The following HYAL1 variants were observed in gnomAD, a reference collection of about 807,000 sequenced individuals.
HYAL1 encodes hyaluronidase-1.
A neutral mutation model predicts 28.8 loss-of-function variants in HYAL1; 21 were observed. The ratio of observed to expected loss-of-function variants is 0.73; its 90% CI spans 0.52 to 1.05. The LOEUF (loss-of-function observed/expected upper bound fraction) is 1.05, where lower values mean the gene tolerates loss of function less well. Among genes scored for constraint, HYAL1 ranks in the 50% least tolerant of loss-of-function variants. HYAL1 has a pLI of 0.00. For missense variants in HYAL1, 491 were observed against 579.2 expected (o/e 0.85, Z 1.56); for synonymous variants, 200 against 230.1 (o/e 0.87, Z 1.18).
At position 50,311,326 on chromosome 3, in the gene HYAL1, C is replaced by CT. The variant is rs1702446866; in HGVS notation, c.-310+937_-310+938insA. Among the ~76,000 whole-genome samples, 5 of 125,854 alleles carry CT rather than the reference C, an allele frequency of 4.0e-5. 1 individual carries two copies. The South Asian group carries it at 1.4e-3, about 34-fold the overall frequency. 82.6% of individuals were successfully genotyped at this position (125,854 alleles called of 152,430 possible). On this transcript the variant is annotated intron_variant, in intron 1 of 5. Transcript: ENST00000320295. ...TGGCCGGGCGGGGGGCTGACCCCCC[C>CT]ACCTCCCTCCCGGACGGGGCGGCTG...
At chr3:50,311,971 G>A (rs1702474918) in intron 1 of HYAL1, among the ~76,000 whole-genome samples, 1 of 148,102 alleles carries the variant, frequency 6.8e-6, no homozygotes, top group South Asian at 2.1e-4. Context: ...GGGCGGCCGG[G>A]CAGAGGCGCC....
In HYAL1 at chr3:50,302,569, A is replaced by C; in HGVS notation, c.388T>G (p.Trp130Gly). The C allele has an allele frequency of 1.2e-6, 2 of 1,614,044 alleles. No homozygotes were observed. Among genetic ancestry groups the C allele is most frequent in the East Asian group, 4.5e-5 (2 of 44,898 alleles). ...GCCCAGCGTGGGCGCCATGCCTCCC[A>C]GTCGATGACTGCCAGCCCTGAGAAG... ...PDFSGLAVIDWEAWRPRWAFN... is the reference protein window; with the variant it reads ...PDFSGLAVIDGEAWRPRWAFN... The change falls in exon 2 of 4, where the codon TGG becomes GGG. Residue 130 changes from tryptophan (W) to glycine (G), a missense_variant. By Grantham distance (184) the Trp-to-Gly change is radical. Transcript: ENST00000395144. This position sits in a 1 kb window ranked among gnomAD's most constrained non-coding sequence, Gnocchi z 5.0.
At chr3:50,301,501 C>T (rs1273624836) in intron 2 of HYAL1, among the ~76,000 whole-genome samples, 4 of 151,838 alleles carry the variant, frequency 2.6e-5, no homozygotes, top group Non-Finnish European at 5.9e-5. Context: ...CCTGTAATCC[C>T]AACTACTTGG....
At chr3:50,300,914 G>C in intron 3 of HYAL1, 74 bp downstream of exon 3, 1 of 1,507,418 alleles carries the variant, frequency 6.6e-7, no homozygotes, top group East Asian at 2.3e-5. Context: ...GAAAGGGTAA[G>C]TCAGGGTCTA....
chr3:50,309,022 C>A lies in HYAL1; in HGVS notation c.-191+637G>T, dbSNP rs587766995. Among the ~76,000 whole-genome samples the A allele has an allele frequency of 3.3e-5, 5 of 151,382 alleles. No homozygotes were observed. In the East Asian group the frequency reaches 9.6e-4, roughly 29 times the overall value. On this transcript the variant is annotated intron_variant, in intron 2 of 5. Transcript: ENST00000320295. ...GGGATTACAGGCGTGAGCCACCGTG[C>A]CTGGCCAACAGCTTTTAACAATTTA...
At position 50,300,649 on chromosome 3, in the gene HYAL1, A is replaced by C. The variant is rs1210331628; in HGVS notation, c.1142T>G (p.Leu381Arg). 3 of 1,613,912 alleles carry C rather than the reference A, an allele frequency of 1.9e-6. No individual in the cohort carries two copies. Among genetic ancestry groups the C allele is most frequent in the Non-Finnish European group, 2.5e-6 (3 of 1,179,974 alleles). ...RRTSHPKALLLLNPASFSIQL... is the reference protein window; with the variant it reads ...RRTSHPKALLRLNPASFSIQL... ...GATGGAGAAACTGGCAGGGTTAAGG[A>C]GGAGGAGGGCTTTGGGGTGGCTGGT... is the stretch of plus-strand genomic sequence containing the variant. The change falls in exon 4 of 4, where the codon CTC (leucine) becomes CGC (arginine). Residue 381 changes from leucine (L) to arginine (R), a missense_variant. Physicochemically the swap from Leu to Arg is moderately radical, Grantham distance 102. Transcript: ENST00000395144.
Position 50,302,280 on chromosome 3 carries a change from C to A in HYAL1, c.677G>T (p.Arg226Leu). 6.2e-7 allele frequency: 1 copy of A among 1,613,780 alleles called. No individual in the cohort carries two copies. The highest frequency in any genetic ancestry group is 8.5e-7 in the Non-Finnish European group (1 of 1,180,022). Reference protein sequence around the residue: ...NYTGQCPSGIRAQNDQLGWLW... With the variant: ...NYTGQCPSGILAQNDQLGWLW... ...CCACCCTAGCTGGTCATTTTGGGCACGGATGCCTGATGGGCACTGGCCGGT... is the reference window on the plus strand; with the variant it reads ...CCACCCTAGCTGGTCATTTTGGGCAAGGATGCCTGATGGGCACTGGCCGGT... Residue 226 changes from arginine (R) to leucine (L), a missense_variant, in exon 2 of 4, where the codon CGT (arginine) becomes CTT (leucine). Physicochemically the swap from Arg to Leu is moderately radical, Grantham distance 102. Coordinates refer to ENST00000395144, the MANE Select transcript of HYAL1 (RefSeq NM_033159.4). The surrounding 1 kb of genome is among the most constrained non-coding windows in gnomAD (Gnocchi z 5.0).
upstream of HYAL1, among the ~76,000 whole-genome samples, chr3:50,306,016 T>G (rs587603980): frequency 1.3e-5 from 2 of 151,446 alleles, no homozygotes; most frequent in Admixed American, 6.6e-5. Flanking sequence ...ATTTTCTGGG[T>G]TCACATTTGG....
Position 50,301,080 on chromosome 3 carries a change from G to A in HYAL1, c.901-3C>T, listed in dbSNP as rs782103052. 2 of 1,607,132 alleles carry A rather than the reference G, an allele frequency of 1.2e-6. No individual in the cohort carries two copies. Among genetic ancestry groups the A allele is most frequent in the East Asian group, 2.2e-5 (1 of 44,828 alleles). On this transcript the variant is annotated splice_polypyrimidine_tract_variant and splice_region_variant and intron_variant, in intron 2 of 3. Transcript: ENST00000395144. ...CCCAGGCTGTGCTCCAGCTCATCCT[G>A]GGAAGGAGACAGCACAGCTCTGTGG...
At chr3:50,310,717 C>T (rs1702428197) in intron 1 of HYAL1, among the ~76,000 whole-genome samples, 1 of 149,246 alleles carries the variant, frequency 6.7e-6, no homozygotes, top group African/African-American at 2.5e-5. Flanking sequence ...GAACAAAGGT[C>T]TCTGGTTTTC....
chr3:50,311,033 T>A (rs1553714677), intron 1 of HYAL1, among the ~76,000 whole-genome samples: 1 of 152,172 alleles, frequency 6.6e-6, no homozygotes, highest in Non-Finnish European at 1.5e-5. Flanking sequence ...ATCCGATTTC[T>A]CAATCTTTTC....
chr3:50,302,155 C>T lies in HYAL1; in HGVS notation c.802G>A (p.Glu268Lys), dbSNP rs104893743. ...GCAGCCACAGCCACACGGAATGCCT[C>T]GGCCACACGGTGTTGCACATACATC... ...SQMYVQHRVA[E>K]AFRVAVAAGD... Residue 268 changes from glutamate (E) to lysine (K), a missense_variant, in exon 2 of 4, where the codon GAG becomes AAG. Transcript: ENST00000395144. This position sits in a 1 kb window ranked among gnomAD's most constrained non-coding sequence, Gnocchi z 5.0. 4.5e-5 allele frequency: 72 copies of T among 1,614,166 alleles called. No individual in the cohort carries two copies. Among genetic ancestry groups the T allele is most frequent in the Middle Eastern group, 1.7e-4 (1 of 6,060 alleles).
Position 50,302,385 on chromosome 3 carries a change from C to T in HYAL1, c.572G>A (p.Arg191Gln), listed in dbSNP as rs147106267. Residue 191 changes from arginine to glutamine, a missense_variant, in exon 2 of 4, where the codon CGG (arginine) becomes CAG (glutamine). Arg to Gln is a conservative substitution (Grantham distance 43). Transcript: ENST00000395144. The surrounding 1 kb of genome is among the most constrained non-coding windows in gnomAD (Gnocchi z 5.0). ...AWMAGTLQLG[R>Q]ALRPRGLWGF... ...CCAGAGGCCGCGAGGACGCAGTGCC[C>T]GCCCCAGCTGGAGGGTGCCTGCCAT... is the stretch of plus-strand genomic sequence containing the variant. The T allele has an allele frequency of 1.2e-5, 20 of 1,613,660 alleles. 1 individual carries two copies. Among genetic ancestry groups the T allele is most frequent in the Middle Eastern group, 1.7e-4 (1 of 6,058 alleles).
chr3:50,308,734 C>CTT lies in HYAL1; in HGVS notation c.-191+923_-191+924dup, dbSNP rs587625905. Reference sequence around the variant, plus strand: ...ACAGGCATGAGCCACCGTGCCTGGCCTTTTTTTTTTTTTTTAGACGAAGTC... The same window carrying CTT: ...ACAGGCATGAGCCACCGTGCCTGGCCTTTTTTTTTTTTTTTTTAGACGAAGTC... On this transcript the variant is annotated intron_variant, in intron 2 of 5. Transcript: ENST00000320295. 7.9e-3 allele frequency among the ~76,000 whole-genome samples: 926 copies of CTT among 117,278 alleles called. 32 individuals carry two copies. Among genetic ancestry groups the CTT allele is most frequent in the African/African-American group, 0.03 (879 of 29,332 alleles). The allele number at this position is 117,278 out of a possible 152,430, so 76.9% of individuals were successfully genotyped here.
upstream of HYAL1, among the ~76,000 whole-genome samples, chr3:50,306,629 G>A (rs587608951): frequency 1.7e-4 from 26 of 151,116 alleles, no homozygotes; most frequent in Middle Eastern, 3.4e-3. Context: ...GCTCACACCC[G>A]TAATCCCAAC....
rs377022984 is a variant in HYAL1, at chr3:50,300,470, A to C, written c.*13T>G. 6.2e-6 allele frequency: 10 copies of C among 1,613,792 alleles called. No individual in the cohort carries two copies. The African/African-American group carries it at 8.0e-5, about 13-fold the overall frequency. The stretch of plus-strand genomic sequence containing the variant: ...ATTAGGTTCTCAATATGTGCAACTC[A>C]GTGTGTGGCCAATCACCACATGCTC... On this transcript the variant is annotated 3_prime_UTR_variant, in exon 4 of 4. Coordinates refer to ENST00000395144, the MANE Select transcript of HYAL1 (RefSeq NM_033159.4).
In HYAL1 at chr3:50,300,965, C is replaced by T. The variant is rs782454520; in HGVS notation, c.990+23G>A. On this transcript the variant is annotated intron_variant, in intron 3 of 3. Coordinates refer to ENST00000395144, the MANE Select transcript of HYAL1 (RefSeq NM_033159.4). ...GGCCCCACCCCTCCCCCACCCCCAC[C>T]CTCATGCCAGGCCTAAGCTCACCTT... 56 of 647,662 alleles carry T rather than the reference C, an allele frequency of 8.6e-5. 1 individual carries two copies. The highest frequency in any genetic ancestry group is 1.4e-4 in the Non-Finnish European group (53 of 366,584). The allele number at this position is 647,662 out of a possible 1,614,324, so 40.1% of individuals were successfully genotyped here.
At chr3:50,300,833 CCATGG>C in intron 3 of HYAL1, 33 bp from the exon 4 acceptor site, 1 of 1,604,850 alleles carries the variant, frequency 6.2e-7, no homozygotes, top group Non-Finnish European at 8.5e-7. Context: ...GTCAGGGACA[CCATGG>C]CCATGTATGG....
At chr3:50,312,008 CCGGG>C in intron 1 of HYAL1, among the ~76,000 whole-genome samples, 1 of 136,806 alleles carries the variant, frequency 7.3e-6, no homozygotes, top group Non-Finnish European at 1.6e-5. Flanking sequence ...GGGCGGCTGG[CCGGG>C]TGGGAGGCTG....
Sources: gnomAD v4.1 joint callset for allele counts (sites outside exome capture counted in the v4.1 genomes callset) on GRCh38, gnomAD v4.1.1 for gene constraint, Gnocchi (gnomAD v3.1) non-coding constraint, MANE v1.5 for transcripts, NCBI Gene and HGNC (gene_info 2026-07-23, HGNC 2026-07-21) for gene names.